Variants in VOPP1 observed in about 807,000 individuals in gnomAD.
The protein encoded by VOPP1 is WW domain binding protein VOPP1.
Under a neutral mutation model 23.5 loss-of-function variants are expected in VOPP1, and 8 were observed. The observed-to-expected ratio is 0.34, with a 90% confidence interval of 0.20 to 0.61. The LOEUF is 0.61. VOPP1 is among the 20% of genes least tolerant of loss of function. The probability of loss-of-function intolerance (pLI) is 0.78; values close to 1 mark genes in which losing one functional copy is unlikely to be tolerated. For synonymous variants in VOPP1, 83 were observed against 97.3 expected, an observed-to-expected ratio of 0.85 and a Z score of 0.86; for missense variants, 174 against 238.1, an observed-to-expected ratio of 0.73 and a Z score of 1.77.
downstream of VOPP1, among the ~76,000 whole-genome samples, chr7:55,467,372 C>T (rs542249119): frequency 6.6e-6 from 1 of 152,344 alleles, no homozygotes; most frequent in African/African-American, 2.4e-5. Context: ...ATTCTCGCAA[C>T]AGCCATTGGT....
At position 55,472,724 on chromosome 7, in the gene VOPP1, C is replaced by T. The variant is rs895920102; in HGVS notation, c.*131G>A. On this transcript the variant is annotated 3_prime_UTR_variant, in exon 5 of 5. Coordinates refer to ENST00000285279, the MANE Select transcript of VOPP1 (RefSeq NM_030796.5). ...ATGGAAAGCCTGAAAGAGAGCTGTG[C>T]TTGCTGTGAGGATATCAGAGGAACT... 2.7e-5 allele frequency: 13 copies of T among 478,548 alleles called. No homozygotes were observed. The highest frequency in any genetic ancestry group is 4.2e-5 in the Non-Finnish European group (12 of 282,936). 29.6% of individuals were successfully genotyped at this position (478,548 alleles called of 1,614,324 possible). A position where few individuals can be genotyped will look rare whatever the true frequency, so the allele number is the denominator to read the frequency against.
intron 1 of VOPP1, chr7:55,537,703 G>C: frequency 6.9e-7 from 1 of 1,444,364 alleles, no homozygotes; most frequent in Non-Finnish European, 9.1e-7. Context: ...CTACCATGGA[G>C]GACGCTACAA....
At chr7:55,540,384 G>A (rs1797069534) in intron 1 of VOPP1, among the ~76,000 whole-genome samples, 1 of 149,962 alleles carries the variant, frequency 6.7e-6, no homozygotes, top group Non-Finnish European at 1.5e-5. Context: ...GCGACAGAGT[G>A]AGACTCTGTC....
Position 55,472,853 on chromosome 7 carries a change from C to T in VOPP1, c.*2G>A, listed in dbSNP as rs781678730. The T allele has an allele frequency of 8.1e-7, 1 of 1,230,446 alleles. No individual in the cohort carries two copies. The highest frequency in any genetic ancestry group is 1.1e-6 in the Non-Finnish European group (1 of 925,946). 76.2% of individuals were successfully genotyped at this position (1,230,446 alleles called of 1,614,324 possible). A position where few individuals can be genotyped will look rare whatever the true frequency, so the allele number is the denominator to read the frequency against. ...TCTCTCCTCTTGCACGTGGGCACCCCACTACTTGGCCTTCACTACCTGTTC... is the reference window on the plus strand; with the variant it reads ...TCTCTCCTCTTGCACGTGGGCACCCTACTACTTGGCCTTCACTACCTGTTC... On this transcript the variant is annotated 3_prime_UTR_variant, in exon 5 of 5. Transcript: ENST00000285279.
intron 4 of VOPP1, among the ~76,000 whole-genome samples, chr7:55,447,096 A>G (rs765451699): frequency 6.6e-6 from 1 of 152,192 alleles, no homozygotes; most frequent in Non-Finnish European, 1.5e-5. Flanking sequence ...GTGGAGTTCT[A>G]TGTGCAATTC....
chr7:55,525,209 G>A (rs895047308), intron 1 of VOPP1, among the ~76,000 whole-genome samples: 2 of 151,994 alleles, frequency 1.3e-5, no homozygotes, highest in Admixed American at 6.6e-5. Flanking sequence ...ACAGACTCTC[G>A]GCCGGGCGCG....
intron 1 of VOPP1, among the ~76,000 whole-genome samples, chr7:55,552,021 C>CAA (rs202229227): frequency 6.8e-4 from 38 of 55,782 alleles, no homozygotes; most frequent in Admixed American, 1.9e-3. Flanking sequence ...AGACTGTGTC[C>CAA]AAAAAAAAAA....
At chr7:55,483,997 TC>T (rs1364512867) in intron 4 of VOPP1, among the ~76,000 whole-genome samples, 2 of 152,162 alleles carry the variant, frequency 1.3e-5, no homozygotes, top group East Asian at 3.9e-4. Context: ...CCTCAGGTGA[TC>T]CACCTGCCTC....
Position 55,564,243 on chromosome 7 carries a change from G to GTCTCTCTGTCTCTCTCTCTCTCTC in VOPP1, c.54+8027_54+8028insGAGAGAGAGAGAGAGACAGAGAGA, listed in dbSNP as rs1554302407. On this transcript the variant is annotated intron_variant, in intron 1 of 4. Transcript: ENST00000285279. The stretch of plus-strand genomic sequence containing the variant: ...CAACACACTCTTTCTCTCTGTCTCT[G>GTCTCTCTGTCTCTCTCTCTCTCTC]TCTCTCTCTCTCTCTCTCTCTCTCG... 1.0e-4 allele frequency among the ~76,000 whole-genome samples: 13 copies of GTCTCTCTGTCTCTCTCTCTCTCTC among 125,982 alleles called. No homozygotes were observed. The South Asian group carries it at 1.4e-3, about 13-fold the overall frequency. The allele number at this position is 125,982 out of a possible 152,430, so 82.6% of individuals were successfully genotyped here.
At chr7:55,469,203 G>A (rs996181817), downstream of VOPP1, among the ~76,000 whole-genome samples, 1 of 152,162 alleles carries the variant, frequency 6.6e-6, no homozygotes, top group African/African-American at 2.4e-5. Flanking sequence ...TTGTCGGGAA[G>A]CCTTCGGGTT....
At chr7:55,516,473 T>TA (rs1391456513) in intron 2 of VOPP1, among the ~76,000 whole-genome samples, 1 of 152,190 alleles carries the variant, frequency 6.6e-6, no homozygotes, top group Non-Finnish European at 1.5e-5. Flanking sequence ...TTTGTATGTC[T>TA]AGGTAGCTAC....
intron 4 of VOPP1, among the ~76,000 whole-genome samples, chr7:55,477,803 AC>A (rs933291850): frequency 6.6e-6 from 1 of 152,226 alleles, no homozygotes; most frequent in African/African-American, 2.4e-5. Flanking sequence ...AAGAACATGA[AC>A]CCTTAGGTTA....
In VOPP1 at chr7:55,479,795, C is replaced by G. The variant is rs62457889; in HGVS notation, c.329-6750G>C. On this transcript the variant is annotated intron_variant, in intron 4 of 4. Coordinates refer to ENST00000285279, the MANE Select transcript of VOPP1 (RefSeq NM_030796.5). ...AAGGCATAGCTGGTAACATGGAGCA[C>G]ACAGTGGAAGGCTTGAGCCTGGAAC... 2.0e-5 allele frequency among the ~76,000 whole-genome samples: 3 copies of G among 152,184 alleles called. No individual in the cohort carries two copies. In the East Asian group the frequency reaches 5.8e-4, roughly 29 times the overall value.
intron 1 of VOPP1, 54 bp from the exon 2 acceptor site, chr7:55,521,184 TGAG>T: frequency 6.6e-7 from 1 of 1,511,926 alleles, no homozygotes; most frequent in Non-Finnish European, 9.0e-7. Flanking sequence ...TGCATGTTGT[TGAG>T]AAGCTCTCAC....
chr7:55,504,825 A>G (rs963915254), intron 2 of VOPP1, among the ~76,000 whole-genome samples: 1 of 152,250 alleles, frequency 6.6e-6, no homozygotes, highest in Non-Finnish European at 1.5e-5. Flanking sequence ...GAAGAATCCC[A>G]GTTTACTCTC....
At chr7:55,485,323 C>T (rs932136712) in intron 4 of VOPP1, among the ~76,000 whole-genome samples, 18 of 152,178 alleles carry the variant, frequency 1.2e-4, no homozygotes, top group Non-Finnish European at 2.4e-4. Flanking sequence ...CACAAAAACA[C>T]CATTTCACAT....
chr7:55,559,629 A>T (rs1212141451), intron 1 of VOPP1, among the ~76,000 whole-genome samples: 2 of 152,232 alleles, frequency 1.3e-5, no homozygotes, highest in Non-Finnish European at 2.9e-5. Flanking sequence ...GCAATTCAGA[A>T]AGTCAGAGAT....
intron 4 of VOPP1, among the ~76,000 whole-genome samples, chr7:55,475,836 G>A (rs1332138658): frequency 6.6e-6 from 1 of 152,264 alleles, no homozygotes; most frequent in African/African-American, 2.4e-5. Flanking sequence ...CATCAGGCCA[G>A]CCTGTGCCGT....
chr7:55,539,898 TGCAC>T (rs999639418), intron 1 of VOPP1, among the ~76,000 whole-genome samples: 24 of 71,352 alleles, frequency 3.4e-4, no homozygotes, highest in African/African-American at 1.1e-3. Flanking sequence ...ACATAAGCGC[TGCAC>T]ACACACACAC....
Sources: allele counts gnomAD v4.1 joint callset (sites outside exome capture counted in the v4.1 genomes callset), GRCh38; gene constraint gnomAD v4.1.1; transcripts MANE v1.5; gene names NCBI Gene and HGNC (gene_info 2026-07-23, HGNC 2026-07-21).